Variants in PIAS1 observed in about 807,000 individuals in gnomAD.
The protein encoded by PIAS1 is protein inhibitor of activated STAT 1.
A neutral mutation model predicts 71.3 loss-of-function variants in PIAS1; 6 were observed. The observed-to-expected ratio is 0.08, with a 90% CI of 0.05 to 0.17. The LOEUF is 0.17. PIAS1 is among the 10% of genes least tolerant of loss of function. The pLI is 1.00. For synonymous variants in PIAS1, 303 were observed against 292.9 expected (o/e 1.03, Z -0.35); for missense variants, 555 against 793.6 (o/e 0.70, Z 3.61).
intron 2 of PIAS1, among the ~76,000 whole-genome samples, chr15:68,119,915 A>AT (rs565111239): frequency 6.6e-6 from 1 of 152,114 alleles, no homozygotes; most frequent in African/African-American, 2.4e-5. Context: ...CCCTAGTAAT[A>AT]TTTTTTGTTC....
At chr15:68,089,902 C>G (rs1240518451) in intron 2 of PIAS1, among the ~76,000 whole-genome samples, 3 of 151,526 alleles carry the variant, frequency 2.0e-5, no homozygotes, top group African/African-American at 7.3e-5. Flanking sequence ...TTATTTGAGA[C>G]AGGGTCTTGC....
intron 2 of PIAS1, among the ~76,000 whole-genome samples, chr15:68,107,706 G>T (rs911645278): frequency 7.9e-5 from 12 of 151,604 alleles, no homozygotes; most frequent in African/African-American, 2.9e-4. Flanking sequence ...AATGTGTGAT[G>T]AAAGATAAGA....
At chr15:68,181,602 G>T in intron 12 of PIAS1, 1 of 395,588 alleles carries the variant, frequency 2.5e-6, no homozygotes, top group Non-Finnish European at 4.7e-6. Flanking sequence ...GTTTTTGTGA[G>T]CTCCTGAGTA....
chr15:68,058,013 A>G (rs1391561969), intron 1 of PIAS1, among the ~76,000 whole-genome samples: 1 of 151,982 alleles, frequency 6.6e-6, no homozygotes, highest in African/African-American at 2.4e-5. Context: ...CTCCTGGTGA[A>G]CTCCATCAGC....
Position 68,174,545 on chromosome 15 carries a change from G to A in PIAS1, c.1169+653G>A, listed in dbSNP as rs1291931360. 6.6e-6 allele frequency among the ~76,000 whole-genome samples: 1 copy of A among 152,076 alleles called. No homozygotes were observed. The highest frequency in any genetic ancestry group is 2.4e-5 in the African/African-American group (1 of 41,420). ...ACATCTCCTTGATTTTTTTGGGGATGGGGGGTTAGAGACAGAGTCTTGCCA... is the reference window on the plus strand; with the variant it reads ...ACATCTCCTTGATTTTTTTGGGGATAGGGGGTTAGAGACAGAGTCTTGCCA... On this transcript the variant is annotated intron_variant, in intron 9 of 13. Coordinates refer to ENST00000249636, the MANE Select transcript of PIAS1 (RefSeq NM_016166.3). This position sits in a 1 kb window ranked among gnomAD's most constrained non-coding sequence, Gnocchi z 4.0.
At chr15:68,153,928 C>A in intron 7 of PIAS1, 1 of 283,594 alleles carries the variant, frequency 3.5e-6, no homozygotes, top group East Asian at 6.6e-5. Context: ...TATTCTACAA[C>A]TTCATAAAAT....
intron 2 of PIAS1, among the ~76,000 whole-genome samples, chr15:68,088,560 T>G (rs1170551165): frequency 1.3e-5 from 2 of 152,104 alleles, no homozygotes; most frequent in African/African-American, 2.4e-5. Context: ...GTAAATAGAT[T>G]TTCAGTATCT....
chr15:68,057,425 T>C, intron 1 of PIAS1: 3 of 398,246 alleles, frequency 7.5e-6, no homozygotes, highest in Middle Eastern at 3.7e-4. Context: ...AAAAAAAATA[T>C]GTGTTTTTTT....
chr15:68,062,484 C>T (rs571251396), intron 1 of PIAS1, among the ~76,000 whole-genome samples: 2 of 152,300 alleles, frequency 1.3e-5, no homozygotes, highest in South Asian at 4.1e-4. Flanking sequence ...TATTTTTTCA[C>T]CTCGAAAAGC....
intron 6 of PIAS1, among the ~76,000 whole-genome samples, chr15:68,149,576 T>C (rs1254894848): frequency 6.6e-6 from 1 of 152,128 alleles, no homozygotes; most frequent in African/African-American, 2.4e-5. Flanking sequence ...AATTCCTGCA[T>C]ATTTTTTGCT....
intron 7 of PIAS1, among the ~76,000 whole-genome samples, chr15:68,158,726 TTTGA>T (rs1256412952): frequency 6.6e-6 from 1 of 152,192 alleles, no homozygotes; most frequent in East Asian, 1.9e-4. Context: ...TCTTAATATG[TTTGA>T]TTGTTTTCGG....
chr15:68,054,363 T>C lies in PIAS1; in HGVS notation c.24+13T>C. On this transcript the variant is annotated intron_variant, in intron 1 of 13. Transcript: ENST00000249636. The surrounding 1 kb of genome is among the most constrained non-coding windows in gnomAD (Gnocchi z 4.6). ...TGCGGAACTAAAGGTAAAGCGCAGC[T>C]CGAATTCACTTCTAATATTCGGCCG... 1.3e-6 allele frequency: 2 copies of C among 1,570,334 alleles called. No individual in the cohort carries two copies. The highest frequency in any genetic ancestry group is 1.7e-6 in the Non-Finnish European group (2 of 1,158,270).
In PIAS1 at chr15:68,155,720, T is replaced by G. The variant is rs1057294496; in HGVS notation, c.934+2025T>G. Among the ~76,000 whole-genome samples the G allele has an allele frequency of 7.2e-5, 11 of 152,328 alleles. No individual in the cohort carries two copies. In the South Asian group the frequency reaches 1.0e-3, roughly 14 times the overall value. On this transcript the variant is annotated intron_variant, in intron 7 of 13. Transcript: ENST00000249636. The stretch of plus-strand genomic sequence containing the variant: ...ACTCCATTCTCTGAATCATTTGATT[T>G]AGTAGGATTTTGTCTTGCAGTTTCT...
chr15:68,101,696 A>C (rs1410041132), intron 2 of PIAS1, among the ~76,000 whole-genome samples: 2 of 152,032 alleles, frequency 1.3e-5, no homozygotes, highest in African/African-American at 4.8e-5. Flanking sequence ...AGTCTCATTT[A>C]CTGATTTGTT....
Position 68,054,866 on chromosome 15 carries a change from G to A in PIAS1, c.24+516G>A, listed in dbSNP as rs2091878393. On this transcript the variant is annotated intron_variant, in intron 1 of 13. Transcript: ENST00000249636. The surrounding 1 kb of genome is among the most constrained non-coding windows in gnomAD (Gnocchi z 4.6). ...CCCTCCGTGGATCCCAGTAGCCCCCGCCCCGGACTCGGCTTTCCCCGGCTG... is the reference window on the plus strand; with the variant it reads ...CCCTCCGTGGATCCCAGTAGCCCCCACCCCGGACTCGGCTTTCCCCGGCTG... 2 of 152,364 alleles carry A rather than the reference G, an allele frequency of 1.3e-5. No individual in the cohort carries two copies. The highest frequency in any genetic ancestry group is 6.5e-5 in the Admixed American group (1 of 15,278). The allele number at this position is 152,364 out of a possible 1,614,324, so 9.4% of individuals were successfully genotyped here.
Position 68,145,950 on chromosome 15 carries a change from C to G in PIAS1, c.693+44C>G, listed in dbSNP as rs779418612. 31 of 1,080,512 alleles carry G rather than the reference C, an allele frequency of 2.9e-5. No individual in the cohort carries two copies. In the Admixed American group the frequency reaches 4.0e-4, roughly 14 times the overall value. 66.9% of individuals were successfully genotyped at this position (1,080,512 alleles called of 1,614,324 possible). ...TTTTTAAAATTCATTGCCAACATAA[C>G]TATCAAATAAGTCATCACAACTGTT... On this transcript the variant is annotated intron_variant, in intron 5 of 13. Coordinates refer to ENST00000249636, the MANE Select transcript of PIAS1 (RefSeq NM_016166.3).
At chr15:68,126,115 T>C (rs1176184369) in intron 2 of PIAS1, among the ~76,000 whole-genome samples, 1 of 152,202 alleles carries the variant, frequency 6.6e-6, no homozygotes, top group Non-Finnish European at 1.5e-5. Context: ...ATTTTAGCCA[T>C]TATATTGGGA....
At chr15:68,110,617 C>T (rs941344072) in intron 2 of PIAS1, among the ~76,000 whole-genome samples, 3 of 151,896 alleles carry the variant, frequency 2.0e-5, no homozygotes, top group Non-Finnish European at 2.9e-5. Context: ...AAAAAATTAG[C>T]TGGGCATGGT....
chr15:68,180,170 C>T (rs528899070), intron 11 of PIAS1, among the ~76,000 whole-genome samples: 4 of 152,222 alleles, frequency 2.6e-5, no homozygotes, highest in South Asian at 2.1e-4. Context: ...GGTGCAATCA[C>T]GGCTCATGCA....
Sources: gnomAD v4.1 joint callset for allele counts (sites outside exome capture counted in the v4.1 genomes callset) on GRCh38, gnomAD v4.1.1 for gene constraint, Gnocchi (gnomAD v3.1) non-coding constraint, MANE v1.5 for transcripts, NCBI Gene and HGNC (gene_info 2026-07-23, HGNC 2026-07-21) for gene names.